The following NR5A2 variants were observed in gnomAD, a reference collection of about 807,000 sequenced individuals.
NR5A2 encodes the protein CYP7A promoter-binding factor.
NR5A2 carries 26 observed loss-of-function variants against 62.7 expected under a neutral mutation model. That is an observed-to-expected ratio of 0.41 (90% CI 0.30 to 0.58). NR5A2 has a LOEUF of 0.58. Among genes scored for constraint, NR5A2 ranks in the 20% least tolerant of loss-of-function variants. NR5A2 has a pLI of 0.22. For synonymous variants in NR5A2, 246 were observed against 241.7 expected (o/e 1.02, Z -0.16); for missense variants, 541 against 669.1 (o/e 0.81, Z 2.11).
intron 7 of NR5A2, among the ~76,000 whole-genome samples, chr1:200,145,228 TGAAC>T (rs991986659): frequency 6.6e-6 from 1 of 152,188 alleles, no homozygotes; most frequent in Non-Finnish European, 1.5e-5. Flanking sequence ...GAGAATCGCC[TGAAC>T]CCGGGAGGCG....
At chr1:200,046,048 T>C (rs568494584) in intron 4 of NR5A2, among the ~76,000 whole-genome samples, 1 of 152,224 alleles carries the variant, frequency 6.6e-6, no homozygotes, top group African/African-American at 2.4e-5. Flanking sequence ...TTCATGATTC[T>C]TAAGAGTTAA....
intron 5 of NR5A2, among the ~76,000 whole-genome samples, chr1:200,066,492 G>T (rs1051992013): frequency 1.3e-5 from 2 of 151,638 alleles, no homozygotes; most frequent in African/African-American, 4.9e-5. Context: ...GGCACAGCTC[G>T]ACCACTCCAC....
At position 200,147,776 on chromosome 1, in the gene NR5A2, GGATGCCGGCA is replaced by G. The variant is rs1558167888; in HGVS notation, c.1379-26186_1379-26177del. ...CGGATGCCGGCGCGAATGCCGGCAC[GGATGCCGGCA>G]CGGTGGGCAGCCGCCGTGGCGTCCA... is the stretch of plus-strand genomic sequence containing the variant. On this transcript the variant is annotated intron_variant, in intron 7 of 7. Coordinates refer to ENST00000367362, the MANE Select transcript of NR5A2 (RefSeq NM_205860.3). The surrounding 1 kb of genome is among the most constrained non-coding windows in gnomAD (Gnocchi z 4.9). The G allele has an allele frequency of 0.097, 1,041 of 10,750 alleles. 5 individuals are homozygous for G. The highest frequency in any genetic ancestry group is 0.22 in the Non-Finnish European group (862 of 4,006). 0.7% of individuals were successfully genotyped at this position (10,750 alleles called of 1,614,324 possible).
intron 6 of NR5A2, among the ~76,000 whole-genome samples, chr1:200,114,380 AAC>A (rs980188859): frequency 5.3e-5 from 8 of 152,156 alleles, no homozygotes; most frequent in Non-Finnish European, 2.9e-5. Context: ...ATAATCCAAT[AAC>A]AATTGAGCTG....
chr1:200,090,085 C>T (rs759545074), intron 5 of NR5A2, among the ~76,000 whole-genome samples: 8 of 152,182 alleles, frequency 5.3e-5, no homozygotes, highest in Non-Finnish European at 1.0e-4. Context: ...TGCACACTCA[C>T]TCCTAGCCTG....
Position 200,059,040 on chromosome 1 carries a change from G to A in NR5A2, c.1110+10222G>A, listed in dbSNP as rs562878581. On this transcript the variant is annotated intron_variant, in intron 5 of 7. Transcript: ENST00000367362. ...TAGGAGAATCACTTGACCTCAGGAGGCGGAGGTTGCAGTAAGCCAAGATCG... is the reference window on the plus strand; with the variant it reads ...TAGGAGAATCACTTGACCTCAGGAGACGGAGGTTGCAGTAAGCCAAGATCG... Among the ~76,000 whole-genome samples the A allele has an allele frequency of 2.0e-5, 3 of 152,076 alleles. No individual in the cohort carries two copies. The South Asian group carries it at 6.3e-4, about 32-fold the overall frequency.
At chr1:200,094,663 G>C (rs1319734634) in intron 5 of NR5A2, among the ~76,000 whole-genome samples, 1 of 150,060 alleles carries the variant, frequency 6.7e-6, no homozygotes, top group East Asian at 2.0e-4. Flanking sequence ...CTCCCGAGTA[G>C]CTGGGACTAC....
At position 200,084,692 on chromosome 1, in the gene NR5A2, A is replaced by C. The variant is rs138322859; in HGVS notation, c.1111-26510A>C. Among the ~76,000 whole-genome samples, 341 of 152,324 alleles carry C rather than the reference A, an allele frequency of 2.2e-3. 3 individuals are homozygous for C. The highest frequency in any genetic ancestry group is 7.8e-3 in the African/African-American group (326 of 41,582). Reference sequence around the variant, plus strand: ...TTCGTAATGAATAACAAGTTTTATCATGCATTTTCATTAAAAATGCATTAA... The same window carrying C: ...TTCGTAATGAATAACAAGTTTTATCCTGCATTTTCATTAAAAATGCATTAA... On this transcript the variant is annotated intron_variant, in intron 5 of 7. Coordinates refer to ENST00000367362, the MANE Select transcript of NR5A2 (RefSeq NM_205860.3).
Position 200,111,335 on chromosome 1 carries a change from C to T in NR5A2, c.1230+14C>T, listed in dbSNP as rs3828110. On this transcript the variant is annotated intron_variant, in intron 6 of 7. Transcript: ENST00000367362. Reference sequence around the variant, plus strand: ...ACTGGGCAACAAGTGAGTGTAGAGACCAAAAAAAAAAAAAAAGCATCTTTT... The same window carrying T: ...ACTGGGCAACAAGTGAGTGTAGAGATCAAAAAAAAAAAAAAAGCATCTTTT... The T allele has an allele frequency of 0.24, 293,258 of 1,202,218 alleles. 10,312 individuals are homozygous for T. Among genetic ancestry groups the T allele is most frequent in the African/African-American group, 0.44 (22,085 of 49,770 alleles). 74.5% of individuals were successfully genotyped at this position (1,202,218 alleles called of 1,614,324 possible).
intron 7 of NR5A2, 47 bp downstream of exon 7, chr1:200,121,002 T>A: frequency 6.2e-7 from 1 of 1,602,968 alleles, no homozygotes; most frequent in Non-Finnish European, 8.5e-7. Context: ...GATTGCTAAA[T>A]GATGTTGAAG....
At chr1:200,099,785 A>G (rs757761218) in intron 5 of NR5A2, among the ~76,000 whole-genome samples, 2 of 151,858 alleles carry the variant, frequency 1.3e-5, no homozygotes. Flanking sequence ...GTAGAGACGG[A>G]GTTTCACCGT....
At chr1:200,055,655 G>A (rs1020802830) in intron 5 of NR5A2, among the ~76,000 whole-genome samples, 2 of 152,248 alleles carry the variant, frequency 1.3e-5, no homozygotes, top group South Asian at 2.1e-4. Flanking sequence ...ATGTCACAGA[G>A]CAATAGCCAC....
At chr1:200,104,644 C>CA (rs1319592079) in intron 5 of NR5A2, among the ~76,000 whole-genome samples, 1 of 152,088 alleles carries the variant, frequency 6.6e-6, no homozygotes, top group Admixed American at 6.6e-5. Context: ...GAAGCATCTT[C>CA]AAAATCATTT....
chr1:200,163,680 A>G (rs1207059675), intron 7 of NR5A2, among the ~76,000 whole-genome samples: 3 of 152,018 alleles, frequency 2.0e-5, no homozygotes, highest in Non-Finnish European at 4.4e-5. Flanking sequence ...GGGTTTCTCC[A>G]TGTTGGCCAG....
At chr1:200,153,963 C>A (rs1358082447) in intron 7 of NR5A2, among the ~76,000 whole-genome samples, 2 of 152,102 alleles carry the variant, frequency 1.3e-5, no homozygotes, top group Non-Finnish European at 2.9e-5. Flanking sequence ...GTTCATATGT[C>A]AAAAAGAGGA....
intron 5 of NR5A2, among the ~76,000 whole-genome samples, chr1:200,064,247 G>A (rs897174533): frequency 6.6e-6 from 1 of 152,020 alleles, no homozygotes; most frequent in African/African-American, 2.4e-5. Context: ...ACATTGATGC[G>A]GCACTAAACA....
chr1:200,146,577 TA>T (rs1281968872), intron 7 of NR5A2, among the ~76,000 whole-genome samples: 1 of 152,182 alleles, frequency 6.6e-6, no homozygotes, highest in Non-Finnish European at 1.5e-5. Flanking sequence ...TTCCAAGTAA[TA>T]AAAAAGGTCT....
intron 5 of NR5A2, among the ~76,000 whole-genome samples, chr1:200,052,634 CTCTT>C (rs1662689748): frequency 6.6e-6 from 1 of 151,038 alleles, no homozygotes; most frequent in Non-Finnish European, 1.5e-5. Flanking sequence ...TTGAAATGAC[CTCTT>C]TCTCACTCTC....
At chr1:200,142,643 T>G (rs1329725510) in intron 7 of NR5A2, among the ~76,000 whole-genome samples, 1 of 152,154 alleles carries the variant, frequency 6.6e-6, no homozygotes, top group Non-Finnish European at 1.5e-5. Context: ...ATCCTCCCAC[T>G]TCTGCCTCCC....
Sources: allele counts gnomAD v4.1 joint callset (sites outside exome capture counted in the v4.1 genomes callset), GRCh38; gene constraint gnomAD v4.1.1; non-coding constraint Gnocchi (gnomAD v3.1); transcripts MANE v1.5; gene names NCBI Gene and HGNC (gene_info 2026-07-23, HGNC 2026-07-21).